PHF20L1: variants seen among roughly 807,000 people sequenced by gnomAD.
PHF20L1 encodes the protein PHD finger protein 20-like protein 1.
In PHF20L1, 44 loss-of-function variants were observed where a neutral mutation model predicts 125.5. That is an observed-to-expected ratio of 0.35 (90% CI 0.28 to 0.45). The LOEUF is 0.45. Among genes scored for constraint, PHF20L1 ranks in the 20% least tolerant of loss-of-function variants. The pLI is 1.00. For synonymous variants in PHF20L1, 380 were observed against 403.1 expected (o/e 0.94, Z 0.69); for missense variants, 1,012 against 1,217.2 (o/e 0.83, Z 2.51).
chr8:132,820,211 G>A (rs1835431378), intron 12 of PHF20L1, among the ~76,000 whole-genome samples: 1 of 151,712 alleles, frequency 6.6e-6, no homozygotes, highest in African/African-American at 2.4e-5. Context: ...AGGATGCTTT[G>A]TCACAGAGCC....
intron 18 of PHF20L1, 24 bp from the exon 19 acceptor site, chr8:132,842,491 C>T: frequency 1.3e-6 from 2 of 1,536,320 alleles, no homozygotes; most frequent in Non-Finnish European, 1.7e-6. Context: ...TTCTGAACTG[C>T]TGTTTTTCCA....
intron 18 of PHF20L1, among the ~76,000 whole-genome samples, chr8:132,840,895 G>T (rs1418560127): frequency 1.3e-5 from 2 of 151,986 alleles, no homozygotes; most frequent in African/African-American, 4.8e-5. Flanking sequence ...TCATCATTTT[G>T]TCTCTAATTG....
intron 2 of PHF20L1, among the ~76,000 whole-genome samples, chr8:132,782,423 GA>G: frequency 6.6e-6 from 1 of 152,284 alleles, no homozygotes; most frequent in African/African-American, 2.4e-5. Context: ...ATAAAGCATT[GA>G]GGTAAATGCA....
chr8:132,822,768 A>C (rs1835742177), intron 12 of PHF20L1, among the ~76,000 whole-genome samples: 1 of 151,934 alleles, frequency 6.6e-6, no homozygotes, highest in Non-Finnish European at 1.5e-5. Context: ...CCTTATTGGC[A>C]CTTGATTTGA....
At chr8:132,779,922 G>A (rs1830236266) in intron 2 of PHF20L1, among the ~76,000 whole-genome samples, 1 of 152,096 alleles carries the variant, frequency 6.6e-6, no homozygotes, top group South Asian at 2.1e-4. Flanking sequence ...CACTGATGAA[G>A]TTTAGATTTA....
At chr8:132,819,875 A>T (rs189957667) in intron 12 of PHF20L1, among the ~76,000 whole-genome samples, 5 of 151,990 alleles carry the variant, frequency 3.3e-5, no homozygotes, top group Admixed American at 2.0e-4. Flanking sequence ...GTTTAGAATG[A>T]TGAGGGTGTT....
At chr8:132,799,059 C>T (rs761458110) in intron 5 of PHF20L1, 36 bp from the exon 6 acceptor site, 11 of 1,561,274 alleles carry the variant, frequency 7.0e-6, no homozygotes, top group Non-Finnish European at 9.7e-6. Flanking sequence ...TTGGTTTAGA[C>T]CTGCTAAAGT....
chr8:132,794,018 T>C (rs1190936135), intron 2 of PHF20L1, among the ~76,000 whole-genome samples: 1 of 152,192 alleles, frequency 6.6e-6, no homozygotes, highest in East Asian at 1.9e-4. Flanking sequence ...GTAGACAGTC[T>C]TCAGTTTTTC....
intron 9 of PHF20L1, chr8:132,811,341 T>G: frequency 3.2e-6 from 4 of 1,254,984 alleles, no homozygotes; most frequent in Non-Finnish European, 4.0e-6. Context: ...ATTAAAGCCT[T>G]TGTCTCCAAA....
Position 132,836,555 on chromosome 8 carries a change from A to G in PHF20L1, c.1925A>G (p.Asp642Gly). The change falls in exon 16 of 21, where the codon GAC becomes GGC. Residue 642 changes from aspartate (D) to glycine (G), a missense_variant. Asp to Gly is a moderately conservative substitution (Grantham distance 94). Transcript: ENST00000395386. ...DLSGENLSDV[D>G]FLDDSSTESL... is the part of the protein sequence containing the mutation. ...TATATTCTAGACTTATCAGATGTAGACTTCCTAGATGATTCTTCAACGGAG... is the reference window on the plus strand; with the variant it reads ...TATATTCTAGACTTATCAGATGTAGGCTTCCTAGATGATTCTTCAACGGAG... 6.2e-7 allele frequency: 1 copy of G among 1,607,858 alleles called. No homozygotes were observed. Among genetic ancestry groups the G allele is most frequent in the Non-Finnish European group, 8.5e-7 (1 of 1,174,882 alleles).
At chr8:132,782,934 A>G (rs1358766151) in intron 2 of PHF20L1, among the ~76,000 whole-genome samples, 1 of 152,130 alleles carries the variant, frequency 6.6e-6, no homozygotes, top group Non-Finnish European at 1.5e-5. Flanking sequence ...AGTTTTATAG[A>G]GTTTGCTTGC....
In PHF20L1 at chr8:132,815,944, GTAT is replaced by G. The variant is rs957468393; in HGVS notation, c.1184-940_1184-938del. 5.9e-4 allele frequency: 90 copies of G among 151,598 alleles called. 1 individual carries two copies. Among genetic ancestry groups the G allele is most frequent in the African/African-American group, 7.2e-4 (30 of 41,396 alleles). The allele number at this position is 151,598 out of a possible 1,614,324, so 9.4% of individuals were successfully genotyped here. A position where few individuals can be genotyped will look rare whatever the true frequency, so the allele number is the denominator to read the frequency against. ...ATTTTATTTTGGAAATTATATCTTG[GTAT>G]TATAACCACAATATTATAGCAATTA... On this transcript the variant is annotated intron_variant, in intron 10 of 20. Transcript: ENST00000395386.
At chr8:132,804,880 C>A in intron 8 of PHF20L1, 140 bp downstream of exon 8, 1 of 717,278 alleles carries the variant, frequency 1.4e-6, no homozygotes. Context: ...TGTGGTTCTT[C>A]AAGGTCAATG....
rs189657677 is a variant in PHF20L1, at chr8:132,836,053, A to T, written c.1910-487A>T. On this transcript the variant is annotated intron_variant, in intron 15 of 20. Coordinates refer to ENST00000395386, the MANE Select transcript of PHF20L1 (RefSeq NM_016018.5). ...ACTTTATTAATCCAAAAAAGAAAGA[A>T]GAAAAAGAATGAAGAATCAGTGGTG... Among the ~76,000 whole-genome samples, 49 of 152,212 alleles carry T rather than the reference A, an allele frequency of 3.2e-4. 1 individual carries two copies. Among genetic ancestry groups the T allele is most frequent in the Admixed American group, 2.7e-3 (41 of 15,286 alleles).
At chr8:132,821,229 C>T (rs893964950) in intron 12 of PHF20L1, among the ~76,000 whole-genome samples, 1 of 150,284 alleles carries the variant, frequency 6.7e-6, no homozygotes, top group African/African-American at 2.4e-5. Context: ...TACATAGATA[C>T]TTACATAGAT....
chr8:132,815,408 A>C (rs993627851), intron 10 of PHF20L1: 1 of 151,870 alleles, frequency 6.6e-6, no homozygotes, highest in Non-Finnish European at 1.5e-5. Flanking sequence ...ATTTTTCAAG[A>C]GTTAACGCAG....
chr8:132,776,016 C>T (rs1382195979), intron 1 of PHF20L1, among the ~76,000 whole-genome samples: 1 of 152,126 alleles, frequency 6.6e-6, no homozygotes. Flanking sequence ...ATTTCTTCTT[C>T]CCTCTAACTT....
At chr8:132,780,615 A>T (rs1248279208) in intron 2 of PHF20L1, among the ~76,000 whole-genome samples, 5 of 152,156 alleles carry the variant, frequency 3.3e-5, no homozygotes, top group Admixed American at 1.3e-4. Flanking sequence ...TTTGAAAAGT[A>T]TTGAGTCATC....
chr8:132,794,676 G>A (rs1832174378), intron 3 of PHF20L1, 57 bp from the exon 4 acceptor site: 1 of 1,507,132 alleles, frequency 6.6e-7, no homozygotes, highest in African/African-American at 1.4e-5. Flanking sequence ...GCCTGTTTTT[G>A]TTAAGAAATG....
Sources: gnomAD v4.1 joint callset for allele counts (sites outside exome capture counted in the v4.1 genomes callset) on GRCh38, gnomAD v4.1.1 for gene constraint, MANE v1.5 for transcripts, NCBI Gene and HGNC (gene_info 2026-07-23, HGNC 2026-07-21) for gene names.